Variants in PCGF3 observed in about 807,000 individuals in gnomAD.
PCGF3 encodes polycomb group ring finger 3.
In PCGF3, 7 loss-of-function variants were observed where a neutral mutation model predicts 33.1. The observed-to-expected ratio is 0.21, with a 90% CI of 0.12 to 0.40. The LOEUF (loss-of-function observed/expected upper bound fraction) is 0.40. Among genes scored for constraint, PCGF3 ranks in the 10% least tolerant of loss-of-function variants. The pLI is 1.00. For synonymous variants in PCGF3, 153 were observed against 121.3 expected (o/e 1.26, Z -1.72); for missense variants, 211 against 313.3 (o/e 0.67, Z 2.46).
chr4:733,822 C>T (rs781507394), intron 4 of PCGF3, 33 bp downstream of exon 4: 14 of 1,613,518 alleles, frequency 8.7e-6, no homozygotes, highest in South Asian at 3.3e-5. Flanking sequence ...CCAGGGAGGG[C>T]GCGCCCTTCC....
intron 1 of PCGF3, among the ~76,000 whole-genome samples, chr4:719,572 A>G (rs1742992487): frequency 6.6e-6 from 1 of 152,236 alleles, no homozygotes; most frequent in South Asian, 2.1e-4. Context: ...TGCAGCTGCA[A>G]TGCGGGGTCC....
chr4:736,494 C>T (rs149813422), intron 5 of PCGF3, among the ~76,000 whole-genome samples: 27,116 of 120,630 alleles, frequency 0.22, 3,139 homozygotes, highest in South Asian at 0.26. Flanking sequence ...GCAGGGAACC[C>T]GGGGTGTCCG....
At chr4:706,207 C>G (rs964392492) in intron 1 of PCGF3, among the ~76,000 whole-genome samples, 1 of 144,510 alleles carries the variant, frequency 6.9e-6, no homozygotes, top group Non-Finnish European at 1.5e-5. Context: ...AAGAGCCCAG[C>G]CCAGGCAGGA....
exon 1 of PCGF3, chr4:705,856 C>G (rs80100206): frequency 1.3e-5 from 2 of 152,062 alleles, no homozygotes. Flanking sequence ...GTTTTAAACT[C>G]CGGACGGGCT....
chr4:763,373 A>G lies in PCGF3; in HGVS notation c.601-1611A>G, dbSNP rs144866683. 4.6e-3 allele frequency among the ~76,000 whole-genome samples: 698 copies of G among 152,166 alleles called. 10 individuals are homozygous for G. Among genetic ancestry groups the G allele is most frequent in the African/African-American group, 0.016 (653 of 41,498 alleles). On this transcript the variant is annotated intron_variant, in intron 9 of 10. Transcript: ENST00000362003. Reference sequence around the variant, plus strand: ...AGCGCAGGGCTGGTTCCTCCAGGGAAGAGTGTGAGGTTTGCGCTGCTGCTG... The same window carrying G: ...AGCGCAGGGCTGGTTCCTCCAGGGAGGAGTGTGAGGTTTGCGCTGCTGCTG...
intron 8 of PCGF3, among the ~76,000 whole-genome samples, chr4:747,975 C>A (rs762778787): frequency 1.3e-5 from 2 of 152,152 alleles, no homozygotes; most frequent in African/African-American, 2.4e-5. Context: ...GGCCTCAGCC[C>A]CATGGCCCAC....
chr4:724,621 C>G lies in PCGF3; in HGVS notation c.-189-6009C>G, dbSNP rs559571112. On this transcript the variant is annotated intron_variant, in intron 1 of 10. Coordinates refer to ENST00000362003, the Ensembl canonical transcript of PCGF3. ...GTGGGCAGATCCTGAGGTCAGGAGT[C>G]GAGACCAGCCTGGCCAACGTGGTGA... 3.9e-5 allele frequency among the ~76,000 whole-genome samples: 6 copies of G among 152,282 alleles called. No homozygotes were observed. In the South Asian group the frequency reaches 1.2e-3, roughly 32 times the overall value.
At chr4:762,190 G>A in intron 9 of PCGF3, 1 of 663,674 alleles carries the variant, frequency 1.5e-6, no homozygotes, top group Non-Finnish European at 1.9e-6. Context: ...GATCTTTGTA[G>A]ATATAATTAA....
At chr4:734,059 A>G (rs1743733209) in intron 4 of PCGF3, 1 of 1,550,554 alleles carries the variant, frequency 6.4e-7, no homozygotes, top group Admixed American at 2.0e-5. Context: ...CAGCAAGGCC[A>G]GTAGCCGCTG....
Position 753,535 on chromosome 4 carries a change from TC to T in PCGF3, c.463-7743del, listed in dbSNP as rs1030006072. Reference sequence around the variant, plus strand: ...TGGGCGTGGTCGTGGGCACCTGTACTCGGAGGCTGAGGCAGGATAATGGCGT... The same window carrying T: ...TGGGCGTGGTCGTGGGCACCTGTACTGGAGGCTGAGGCAGGATAATGGCGT... On this transcript the variant is annotated intron_variant, in intron 8 of 10. Coordinates refer to ENST00000362003, the Ensembl canonical transcript of PCGF3. 8.1e-4 allele frequency among the ~76,000 whole-genome samples: 123 copies of T among 151,820 alleles called. 1 individual carries two copies. Among genetic ancestry groups the T allele is most frequent in the African/African-American group, 2.5e-3 (105 of 41,274 alleles).
At chr4:769,720 C>T (rs527576344) in exon 11 of PCGF3, 5 of 152,780 alleles carry the variant, frequency 3.3e-5, no homozygotes, top group South Asian at 4.1e-4. Context: ...CTGAGATGTG[C>T]GTAGCCTCCG....
chr4:711,724 T>C lies in PCGF3; in HGVS notation c.-190+5754T>C, dbSNP rs562553444. On this transcript the variant is annotated intron_variant, in intron 1 of 10. Coordinates refer to ENST00000362003, the Ensembl canonical transcript of PCGF3. ...CACCCGCCTCGGCCTCCCAAAGTGC[T>C]GGGATTACAGGCGTGAGCCACCGCA... Among the ~76,000 whole-genome samples, 678 of 152,100 alleles carry C rather than the reference T, an allele frequency of 4.5e-3. 8 individuals carry two copies. The highest frequency in any genetic ancestry group is 0.015 in the African/African-American group (631 of 41,530).
intron 8 of PCGF3, among the ~76,000 whole-genome samples, chr4:753,163 G>C (rs1022342466): frequency 6.6e-6 from 1 of 152,276 alleles, no homozygotes; most frequent in Non-Finnish European, 1.5e-5. Context: ...CAAATGGCAA[G>C]GAAGTTAGAA....
chr4:750,340 G>A (rs746186235), intron 8 of PCGF3, among the ~76,000 whole-genome samples: 5 of 152,132 alleles, frequency 3.3e-5, no homozygotes, highest in African/African-American at 1.2e-4. Context: ...TTGTCTACAC[G>A]GATCTCTGCC....
chr4:718,991 G>A lies in PCGF3; in HGVS notation c.-189-11639G>A, dbSNP rs185003714. Among the ~76,000 whole-genome samples, 573 of 151,520 alleles carry A rather than the reference G, an allele frequency of 3.8e-3. 2 individuals are homozygous for A. Among genetic ancestry groups the A allele is most frequent in the Non-Finnish European group, 6.4e-3 (436 of 67,892 alleles). ...ATTTTTTGAGTTAGAGTCTTGTGCT[G>A]TCACCCAGACTGGAGTGTAATGGCA... On this transcript the variant is annotated intron_variant, in intron 1 of 10. Coordinates refer to ENST00000362003, the Ensembl canonical transcript of PCGF3.
intron 7 of PCGF3, among the ~76,000 whole-genome samples, chr4:744,357 C>T (rs1029730827): frequency 3.3e-5 from 5 of 152,362 alleles, no homozygotes; most frequent in Admixed American, 3.3e-4. Context: ...GCTCCGGCTG[C>T]CCCGTCTCTG....
At chr4:740,632 G>A (rs1744046530) in intron 6 of PCGF3, among the ~76,000 whole-genome samples, 1 of 152,152 alleles carries the variant, frequency 6.6e-6, no homozygotes, top group Admixed American at 6.5e-5. Context: ...TCTCATGCCT[G>A]TAACCCTAGC....
intron 6 of PCGF3, among the ~76,000 whole-genome samples, chr4:738,982 G>A (rs1743967649): frequency 6.6e-6 from 1 of 152,176 alleles, no homozygotes; most frequent in East Asian, 1.9e-4. Flanking sequence ...TCTAGGCGTG[G>A]CCGTCCTTGC....
At chr4:766,099 AC>A in exon 11 of PCGF3, 1 of 1,612,538 alleles carries the variant, frequency 6.2e-7, no homozygotes, top group Non-Finnish European at 8.5e-7. Flanking sequence ...CACAGCGCCC[AC>A]AGACTGGGCC....
Sources: allele counts gnomAD v4.1 joint callset (sites outside exome capture counted in the v4.1 genomes callset), GRCh38; gene constraint gnomAD v4.1.1; transcripts MANE v1.5; gene names NCBI Gene and HGNC (gene_info 2026-07-23, HGNC 2026-07-21).